Variants in DYM observed in about 807,000 individuals in gnomAD.
DYM encodes dymeclin, also known as dyggve-Melchior-Clausen syndrome protein.
In DYM, 78 loss-of-function variants were observed where a neutral mutation model predicts 93.1. The observed-to-expected ratio is 0.84, with a 90% confidence interval of 0.70 to 1.01. The LOEUF (loss-of-function observed/expected upper bound fraction) is 1.01, where lower values mean the gene tolerates loss of function less well. Ranked by LOEUF, DYM falls within the 50% of genes least tolerant of loss-of-function variation. The pLI, the probability that DYM is intolerant of heterozygous loss-of-function variation, is 0.00. For synonymous variants in DYM, 321 were observed against 319.7 expected (o/e 1.00, Z -0.04); for missense variants, 789 against 845.0 (o/e 0.93, Z 0.82).
chr18:49,070,882 A>G (rs907667325), intron 17 of DYM, among the ~76,000 whole-genome samples: 2 of 152,248 alleles, frequency 1.3e-5, no homozygotes, highest in Non-Finnish European at 2.9e-5. Context: ...ATAAATAAAT[A>G]TAATGATCAA....
chr18:49,342,415 A>G (rs574601108), intron 6 of DYM, among the ~76,000 whole-genome samples: 7 of 150,360 alleles, frequency 4.7e-5, no homozygotes, highest in Admixed American at 3.3e-4. Flanking sequence ...CTTTTGACAT[A>G]TAAGTTATGT....
chr18:49,055,995 A>G (rs929221408), intron 17 of DYM, among the ~76,000 whole-genome samples: 1 of 152,184 alleles, frequency 6.6e-6, no homozygotes, highest in Non-Finnish European at 1.5e-5. Flanking sequence ...TGACACTGCC[A>G]CGGCAGCTGA....
chr18:49,339,504 T>C (rs2063928046), intron 6 of DYM, among the ~76,000 whole-genome samples: 1 of 152,064 alleles, frequency 6.6e-6, no homozygotes, highest in African/African-American at 2.4e-5. Flanking sequence ...GCTAACATAC[T>C]GAGAGGTCTA....
At position 49,190,946 on chromosome 18, in the gene DYM, T is replaced by C. The variant is rs567476274; in HGVS notation, c.1625+18605A>G. 5.9e-5 allele frequency among the ~76,000 whole-genome samples: 9 copies of C among 152,302 alleles called. No individual in the cohort carries two copies. In the South Asian group the frequency reaches 1.9e-3, roughly 32 times the overall value. ...TATAAAACATAAAACATACAAAATA[T>C]ATGTTAATCAACTGTATATTTTTTA... On this transcript the variant is annotated intron_variant, in intron 14 of 17. Coordinates refer to ENST00000675505, the MANE Select transcript of DYM (RefSeq NM_001353214.3).
At chr18:49,446,829 T>C (rs2082129727) in intron 1 of DYM, among the ~76,000 whole-genome samples, 3 of 151,844 alleles carry the variant, frequency 2.0e-5, no homozygotes, top group Admixed American at 6.6e-5. Flanking sequence ...CAGGCCAAAG[T>C]GGGTGGATCA....
At chr18:49,242,630 C>T (rs1287857761) in intron 13 of DYM, among the ~76,000 whole-genome samples, 1 of 152,122 alleles carries the variant, frequency 6.6e-6, no homozygotes, top group Admixed American at 6.6e-5. Flanking sequence ...GGAAGTTTTG[C>T]GTCTTCTGTA....
intron 2 of DYM, among the ~76,000 whole-genome samples, chr18:49,411,529 T>TTAA (rs557175691): frequency 9.7e-4 from 147 of 152,300 alleles, no homozygotes; most frequent in Middle Eastern, 3.4e-3. Flanking sequence ...ATTTTACTTT[T>TTAA]AGGCACACCG....
intron 15 of DYM, among the ~76,000 whole-genome samples, chr18:49,155,500 C>T (rs2086302265): frequency 6.6e-6 from 1 of 152,194 alleles, no homozygotes; most frequent in South Asian, 2.1e-4. Context: ...AACATTTCAT[C>T]ACCTCCCAAA....
At chr18:49,333,058 G>A (rs1426505477) in intron 7 of DYM, among the ~76,000 whole-genome samples, 1 of 152,184 alleles carries the variant, frequency 6.6e-6, no homozygotes, top group Non-Finnish European at 1.5e-5. Context: ...AGAATATGAA[G>A]AAGACAAAGC....
intron 8 of DYM, among the ~76,000 whole-genome samples, chr18:49,326,614 G>A (rs2062896077): frequency 6.6e-6 from 1 of 152,134 alleles, no homozygotes; most frequent in Admixed American, 6.5e-5. Context: ...CACTCACTGA[G>A]TACTGCAGTG....
chr18:49,190,751 T>A (rs1478926151), intron 14 of DYM, among the ~76,000 whole-genome samples: 1 of 152,164 alleles, frequency 6.6e-6, no homozygotes, highest in African/African-American at 2.4e-5. Flanking sequence ...TTCTTCCACG[T>A]CTGCCACCCC....
intron 8 of DYM, among the ~76,000 whole-genome samples, chr18:49,308,355 A>T (rs1309907464): frequency 1.3e-5 from 2 of 151,980 alleles, no homozygotes; most frequent in Non-Finnish European, 2.9e-5. Flanking sequence ...TGAAGATGTG[A>T]TGGCTGGAGC....
intron 17 of DYM, among the ~76,000 whole-genome samples, chr18:49,074,731 G>A (rs375554334): frequency 2.0e-5 from 3 of 152,164 alleles, no homozygotes; most frequent in Non-Finnish European, 4.4e-5. Flanking sequence ...ACGGCCAAAA[G>A]CAAAGCTGAG....
intron 17 of DYM, among the ~76,000 whole-genome samples, chr18:49,073,516 CT>C (rs1165494662): frequency 6.6e-6 from 1 of 152,108 alleles, no homozygotes; most frequent in Non-Finnish European, 1.5e-5. Context: ...TAAATAATGG[CT>C]TCAGGCCCTC....
At position 49,289,788 on chromosome 18, in the gene DYM, T is replaced by TATAC. The variant is rs71781775; in HGVS notation, c.764-3173_764-3172insGTAT. On this transcript the variant is annotated intron_variant, in intron 8 of 17. Coordinates refer to ENST00000675505, the MANE Select transcript of DYM (RefSeq NM_001353214.3). ...ATATATATATACACATATATATATA[T>TATAC]ACACACATATATATATATATACACA... 9.5e-4 allele frequency among the ~76,000 whole-genome samples: 38 copies of TATAC among 40,174 alleles called. No homozygotes were observed. The East Asian group carries it at 9.6e-3, about 10-fold the overall frequency. The allele number at this position is 40,174 out of a possible 152,430, so 26.4% of individuals were successfully genotyped here.
chr18:49,166,989 C>CGT (rs61299099), intron 14 of DYM, among the ~76,000 whole-genome samples: 316 of 142,018 alleles, frequency 2.2e-3, no homozygotes, highest in East Asian at 7.9e-3. Flanking sequence ...TCTCACATTC[C>CGT]GTGTGTGTGT....
At chr18:49,044,247 G>C (rs1196946684) in intron 17 of DYM, 43 bp from the exon 18 acceptor site, 1 of 1,610,914 alleles carries the variant, frequency 6.2e-7, no homozygotes, top group South Asian at 1.1e-5. Flanking sequence ...ACAGTTCCAT[G>C]CACAAGCAAA....
chr18:49,324,170 T>A (rs1348665831), intron 8 of DYM, among the ~76,000 whole-genome samples: 52 of 59,918 alleles, frequency 8.7e-4, no homozygotes, highest in South Asian at 2.2e-3. Context: ...AAAAAAAAAA[T>A]CTTTAACACG....
chr18:49,298,735 A>C (rs1032954560), intron 8 of DYM, among the ~76,000 whole-genome samples: 1 of 152,208 alleles, frequency 6.6e-6, no homozygotes, highest in African/African-American at 2.4e-5. Flanking sequence ...ATATTTCAGT[A>C]ATTATGAAGA....
Sources: allele counts gnomAD v4.1 joint callset (sites outside exome capture counted in the v4.1 genomes callset), GRCh38; gene constraint gnomAD v4.1.1; transcripts MANE v1.5; gene names NCBI Gene and HGNC (gene_info 2026-07-23, HGNC 2026-07-21).